FTO: variants seen among roughly 807,000 people sequenced by gnomAD.
The protein encoded by FTO is alpha-ketoglutarate-dependent dioxygenase FTO.
In FTO, 47 loss-of-function variants were observed where a neutral mutation model predicts 63.9. The ratio of observed to expected loss-of-function variants is 0.74; its 90% CI spans 0.58 to 0.94. The LOEUF is 0.94. Ranked by LOEUF, FTO falls within the 40% of genes least tolerant of loss-of-function variation. FTO has a pLI of 0.00. For synonymous variants in FTO, 207 were observed against 224.4 expected (o/e 0.92, Z 0.69); for missense variants, 562 against 618.1 (o/e 0.91, Z 0.96).
intron 7 of FTO, among the ~76,000 whole-genome samples, chr16:53,917,709 AGTGTGTGT>A (rs35549801): frequency 1.6e-4 from 23 of 143,126 alleles, no homozygotes; most frequent in South Asian, 4.5e-4. Context: ...AAATTGAGTG[AGTGTGTGT>A]GTGTGTGTGT....
chr16:53,920,665 G>A (rs963101321), intron 7 of FTO, among the ~76,000 whole-genome samples: 1 of 152,146 alleles, frequency 6.6e-6, no homozygotes, highest in African/African-American at 2.4e-5. Context: ...GCAGTGGCAG[G>A]GGTTGGCATG....
In FTO at chr16:53,978,980, T is replaced by C. The variant is rs558186661; in HGVS notation, c.1364+44871T>C. 2.0e-5 allele frequency among the ~76,000 whole-genome samples: 3 copies of C among 151,920 alleles called. No individual in the cohort carries two copies. In the South Asian group the frequency reaches 6.2e-4, roughly 32 times the overall value. ...TGCCGCTGCACTCCGGCCTGGGAGG[T>C]AGAGCGAGACTCTGTCTCAAAAAAA... On this transcript the variant is annotated intron_variant, in intron 8 of 8. Transcript: ENST00000471389.
chr16:54,005,968 A>C (rs1268590508), intron 8 of FTO, among the ~76,000 whole-genome samples: 2 of 152,206 alleles, frequency 1.3e-5, no homozygotes, highest in Admixed American at 6.5e-5. Context: ...CTACTAATTC[A>C]TTATTAAGTT....
chr16:54,072,063 G>A (rs1396995322), intron 8 of FTO: 2 of 152,156 alleles, frequency 1.3e-5, no homozygotes, highest in Non-Finnish European at 2.9e-5. Flanking sequence ...GTGGCCGTGC[G>A]ATTGACAAGG....
chr16:53,769,869 C>T (rs1387354313), intron 1 of FTO, among the ~76,000 whole-genome samples: 4 of 152,140 alleles, frequency 2.6e-5, no homozygotes, highest in African/African-American at 9.7e-5. Context: ...CCATCTTCCA[C>T]ACAAGGTTTC....
intron 4 of FTO, among the ~76,000 whole-genome samples, chr16:53,865,467 G>A (rs1043385987): frequency 2.0e-5 from 3 of 152,046 alleles, no homozygotes; most frequent in Admixed American, 6.5e-5. Flanking sequence ...ACCTCTAATT[G>A]CATTTTGTAG....
At chr16:53,909,263 T>A (rs145075698) in intron 7 of FTO, among the ~76,000 whole-genome samples, 1,616 of 152,276 alleles carry the variant, frequency 0.011, 21 homozygotes, top group Non-Finnish European at 0.013. Flanking sequence ...TGTCGAACAT[T>A]TGAGAAAACA....
At chr16:54,110,553 TC>T (rs769427219) in intron 8 of FTO, among the ~76,000 whole-genome samples, 1 of 152,184 alleles carries the variant, frequency 6.6e-6, no homozygotes, top group Non-Finnish European at 1.5e-5. Flanking sequence ...AAGTATGTTT[TC>T]CCCGGGGGGA....
chr16:54,098,078 G>A (rs1479351397), intron 8 of FTO, among the ~76,000 whole-genome samples: 6 of 152,218 alleles, frequency 3.9e-5, no homozygotes, highest in African/African-American at 1.4e-4. Context: ...AGAGGGCAGA[G>A]AATCGGGGTC....
intron 2 of FTO, among the ~76,000 whole-genome samples, chr16:53,824,434 CCTT>C (rs1205435808): frequency 6.6e-6 from 1 of 152,182 alleles, no homozygotes; most frequent in African/African-American, 2.4e-5. Context: ...AATCCCGTCT[CCTT>C]AGAGAATTCT....
chr16:54,088,420 G>T (rs1037793592), intron 8 of FTO, among the ~76,000 whole-genome samples: 19 of 152,094 alleles, frequency 1.2e-4, no homozygotes, highest in Admixed American at 2.6e-4. Context: ...TCATTATCTG[G>T]TTGGAACTAA....
intron 1 of FTO, among the ~76,000 whole-genome samples, chr16:53,728,600 T>C (rs2076203727): frequency 6.6e-6 from 1 of 152,124 alleles, no homozygotes; most frequent in Non-Finnish European, 1.5e-5. Flanking sequence ...TTTTTGATAG[T>C]TCTAAATACT....
chr16:53,896,912 T>C (rs2081291956), intron 7 of FTO, among the ~76,000 whole-genome samples: 1 of 152,160 alleles, frequency 6.6e-6, no homozygotes, highest in African/African-American at 2.4e-5. Context: ...AATCTTTCCA[T>C]ATTGTACAGA....
chr16:53,806,804 A>G, intron 1 of FTO, among the ~76,000 whole-genome samples: 1 of 152,186 alleles, frequency 6.6e-6, no homozygotes, highest in East Asian at 1.9e-4. Context: ...GTACAAGTGT[A>G]TTAGAAGGAT....
chr16:54,119,557 G>T lies in FTO; in HGVS notation c.*7642G>T, dbSNP rs1454555200. 2 of 151,774 alleles carry T rather than the reference G, an allele frequency of 1.3e-5. No homozygotes were observed. The highest frequency in any genetic ancestry group is 3.9e-4 in the East Asian group (2 of 5,154). The allele number at this position is 151,774 out of a possible 1,614,324, so 9.4% of individuals were successfully genotyped here. On this transcript the variant is annotated 3_prime_UTR_variant, in exon 9 of 9. Transcript: ENST00000471389. ...CTTCCCTCCTCTGCTCCCAACCAGG[G>T]TCACGCTGAGAGGGATCTCGGTGAA...
At chr16:54,062,491 G>T (rs758645125) in intron 8 of FTO, among the ~76,000 whole-genome samples, 9 of 152,196 alleles carry the variant, frequency 5.9e-5, no homozygotes, top group Non-Finnish European at 1.3e-4. Context: ...CAGGTGACAA[G>T]AGCTTGGTGG....
At chr16:54,075,157 T>C (rs1261035520) in intron 8 of FTO, among the ~76,000 whole-genome samples, 2 of 152,196 alleles carry the variant, frequency 1.3e-5, no homozygotes, top group Non-Finnish European at 2.9e-5. Context: ...AAATATTTTT[T>C]TCTTTTTAAT....
At chr16:54,005,807 A>G (rs1214852398) in intron 8 of FTO, among the ~76,000 whole-genome samples, 2 of 152,240 alleles carry the variant, frequency 1.3e-5, no homozygotes, top group African/African-American at 4.8e-5. Context: ...TCAAAGGCAA[A>G]GGAACCCAGA....
intron 7 of FTO, among the ~76,000 whole-genome samples, chr16:53,925,270 G>T (rs575486136): frequency 1.3e-5 from 2 of 152,058 alleles, no homozygotes; most frequent in Non-Finnish European, 2.9e-5. Flanking sequence ...TTTGTAATTT[G>T]TGTGTGCAGA....
Sources: gnomAD v4.1 joint callset for allele counts (sites outside exome capture counted in the v4.1 genomes callset) on GRCh38, gnomAD v4.1.1 for gene constraint, MANE v1.5 for transcripts, NCBI Gene and HGNC (gene_info 2026-07-23, HGNC 2026-07-21) for gene names.